The following PCDHGA1 variants were observed in gnomAD, a reference collection of about 807,000 sequenced individuals.
PCDHGA1 encodes protocadherin gamma-A1.
In PCDHGA1, 32 loss-of-function variants were observed where a neutral mutation model predicts 58.0. That is an observed-to-expected ratio of 0.55 (90% CI 0.42 to 0.74). The LOEUF (loss-of-function observed/expected upper bound fraction) is 0.74. PCDHGA1 is among the 30% of genes least tolerant of loss of function. The pLI, the probability that PCDHGA1 is intolerant of heterozygous loss-of-function variation, is 0.00. For missense variants in PCDHGA1, 1,205 were observed against 1,182.3 expected (o/e 1.02, Z -0.28); for synonymous variants, 498 against 501.1 (o/e 0.99, Z 0.08).
At chr5:141,365,873 T>C in intron 1 of PCDHGA1, 2 of 1,614,096 alleles carry the variant, frequency 1.2e-6, no homozygotes, top group Non-Finnish European at 1.7e-6. Flanking sequence ...CGGTGTCCTG[T>C]ATGCTCTGAG....
Position 141,361,067 on chromosome 5 carries a change from T to C in PCDHGA1, c.2421+27962T>C, listed in dbSNP as rs372172777. On this transcript the variant is annotated intron_variant, in intron 1 of 3. Transcript: ENST00000517417. ...ACAAAGGATGATTTGGATTTTGAGA[T>C]TGCAAGTAGTTACACTCTGAGTATC... 4.3e-6 allele frequency: 7 copies of C among 1,613,804 alleles called. 1 individual carries two copies. In the South Asian group the frequency reaches 5.5e-5, roughly 13 times the overall value.
intron 2 of PCDHGA1, among the ~76,000 whole-genome samples, chr5:141,497,642 C>T (rs1426920174): frequency 1.3e-5 from 2 of 151,352 alleles, no homozygotes; most frequent in Middle Eastern, 3.4e-3. Context: ...CAGGTTCAAG[C>T]GATTCTCCTG....
Position 141,486,087 on chromosome 5 carries a change from T to G in PCDHGA1, c.2422-8720T>G. 4 of 1,614,176 alleles carry G rather than the reference T, an allele frequency of 2.5e-6. No individual in the cohort carries two copies. The highest frequency in any genetic ancestry group is 3.4e-6 in the Non-Finnish European group (4 of 1,180,028). ...CCCACTACTGGAAAGCTTACTCTTT[T>G]GGGGCCCCTAGACTTTGAGAGTGAG... On this transcript the variant is annotated intron_variant, in intron 1 of 3. Coordinates refer to ENST00000517417, the MANE Select transcript of PCDHGA1 (RefSeq NM_018912.3). This position sits in a 1 kb window ranked among gnomAD's most constrained non-coding sequence, Gnocchi z 5.0.
rs1426255577 is a variant in PCDHGA1, at chr5:141,512,797, TG to T, written c.*1625del. 6.6e-6 allele frequency: 1 copy of T among 152,300 alleles called. No homozygotes were observed. Among genetic ancestry groups the T allele is most frequent in the African/African-American group, 2.4e-5 (1 of 41,444 alleles). The allele number at this position is 152,300 out of a possible 1,614,324, so 9.4% of individuals were successfully genotyped here. On this transcript the variant is annotated 3_prime_UTR_variant, in exon 4 of 4. Transcript: ENST00000517417. ...GCGGCCCGTGTTGTGTTTTGTGCTGTGTCCACGCGCTAAGGCGACCCCCTCC... is the reference window on the plus strand; with the variant it reads ...GCGGCCCGTGTTGTGTTTTGTGCTGTTCCACGCGCTAAGGCGACCCCCTCC...
At chr5:141,402,945 A>T (rs2094324619) in intron 1 of PCDHGA1, 2 of 1,593,720 alleles carry the variant, frequency 1.3e-6, no homozygotes, top group Admixed American at 3.6e-5. Flanking sequence ...TTCCAAAGCG[A>T]GGCAGCAATG....
chr5:141,497,538 AC>A lies in PCDHGA1; in HGVS notation c.2480+2675del, dbSNP rs1247704872. Among the ~76,000 whole-genome samples, 601 of 142,636 alleles carry A rather than the reference AC, an allele frequency of 4.2e-3. 3 individuals are homozygous for A. Among genetic ancestry groups the A allele is most frequent in the African/African-American group, 0.013 (497 of 38,408 alleles). The allele number at this position is 142,636 out of a possible 152,430, so 93.6% of individuals were successfully genotyped here. On this transcript the variant is annotated intron_variant, in intron 2 of 3. Coordinates refer to ENST00000517417, the MANE Select transcript of PCDHGA1 (RefSeq NM_018912.3). ...AGTTAACTTGTGGAGGATGCAACAA[AC>A]CTTTTTTTTTTTTTTTTTTAGACAG...
intron 1 of PCDHGA1, among the ~76,000 whole-genome samples, chr5:141,466,613 C>T (rs772278295): frequency 1.2e-4 from 19 of 152,144 alleles, no homozygotes; most frequent in Non-Finnish European, 2.4e-4. Context: ...TGTAAACTGC[C>T]GTTTTCTTTG....
At chr5:141,391,886 A>C (rs2092436812) in intron 1 of PCDHGA1, 1 of 152,206 alleles carries the variant, frequency 6.6e-6, no homozygotes, top group Non-Finnish European at 1.5e-5. Flanking sequence ...GGTGAAAGGG[A>C]TGGGATGGAG....
chr5:141,409,056 C>T, intron 1 of PCDHGA1: 2 of 1,613,926 alleles, frequency 1.2e-6, no homozygotes, highest in South Asian at 1.1e-5. Context: ...CGAAGCACTG[C>T]CCAGAGCACA....
chr5:141,500,986 A>G (rs1223940696), intron 2 of PCDHGA1, among the ~76,000 whole-genome samples: 1 of 151,656 alleles, frequency 6.6e-6, no homozygotes, highest in East Asian at 1.9e-4. Flanking sequence ...CTCCTGCCTC[A>G]GCCTCCTGAG....
chr5:141,454,842 C>T lies in PCDHGA1; in HGVS notation c.2422-39965C>T, dbSNP rs543795114. 1.2e-4 allele frequency among the ~76,000 whole-genome samples: 12 copies of T among 101,680 alleles called. No homozygotes were observed. The East Asian group carries it at 3.9e-3, about 33-fold the overall frequency. 66.7% of individuals were successfully genotyped at this position (101,680 alleles called of 152,430 possible). ...TTTTTTTTTGAGACAGAGTCGCGCTCTGTCACCCAGGCTGGAGTGCAGTGG... is the reference window on the plus strand; with the variant it reads ...TTTTTTTTTGAGACAGAGTCGCGCTTTGTCACCCAGGCTGGAGTGCAGTGG... On this transcript the variant is annotated intron_variant, in intron 1 of 3. Coordinates refer to ENST00000517417, the MANE Select transcript of PCDHGA1 (RefSeq NM_018912.3).
intron 1 of PCDHGA1, chr5:141,344,098 C>A (rs1168933689): frequency 4.3e-6 from 7 of 1,613,536 alleles, no homozygotes; most frequent in Non-Finnish European, 5.9e-6. Context: ...CTCCTGGGGA[C>A]GCTGTGCGAA....
intron 1 of PCDHGA1, among the ~76,000 whole-genome samples, chr5:141,492,893 C>T (rs936521362): frequency 2.0e-5 from 3 of 152,178 alleles, no homozygotes; most frequent in Admixed American, 6.5e-5. Flanking sequence ...AGGCTTTTGG[C>T]GCCGTCGTGA....
chr5:141,480,145 C>A (rs1331658762), intron 1 of PCDHGA1, among the ~76,000 whole-genome samples: 1 of 151,968 alleles, frequency 6.6e-6, no homozygotes, highest in Non-Finnish European at 1.5e-5. Context: ...CAATTATTAG[C>A]CAGCTCCTAG....
At chr5:141,395,526 G>T in intron 1 of PCDHGA1, 4 of 357,898 alleles carry the variant, frequency 1.1e-5, no homozygotes, top group Admixed American at 4.6e-5. Context: ...GTCCATACTG[G>T]TAATTTTGCT....
intron 1 of PCDHGA1, chr5:141,375,317 C>T: frequency 1.2e-6 from 2 of 1,613,790 alleles, no homozygotes; most frequent in Non-Finnish European, 8.5e-7. Flanking sequence ...AGCTCTAGAC[C>T]GGGAAGAGGT....
intron 1 of PCDHGA1, among the ~76,000 whole-genome samples, chr5:141,443,369 C>T (rs1403494558): frequency 6.6e-6 from 1 of 151,848 alleles, no homozygotes; most frequent in African/African-American, 2.4e-5. Context: ...CCTGTGGTCT[C>T]AGCTACTTGG....
chr5:141,455,855 C>A (rs1267803457), intron 1 of PCDHGA1, among the ~76,000 whole-genome samples: 4 of 147,088 alleles, frequency 2.7e-5, no homozygotes, highest in African/African-American at 1.0e-4. Flanking sequence ...AAAATAATTT[C>A]TTTTATTATT....
intron 3 of PCDHGA1, among the ~76,000 whole-genome samples, chr5:141,510,089 C>G (rs2099879446): frequency 6.6e-6 from 1 of 152,136 alleles, no homozygotes; most frequent in African/African-American, 2.4e-5. Flanking sequence ...GCCTGGCACA[C>G]AGTAGGTGCT....
Sources: gnomAD v4.1 joint callset for allele counts (sites outside exome capture counted in the v4.1 genomes callset) on GRCh38, gnomAD v4.1.1 for gene constraint, Gnocchi (gnomAD v3.1) non-coding constraint, MANE v1.5 for transcripts, NCBI Gene and HGNC (gene_info 2026-07-23, HGNC 2026-07-21) for gene names.